NCEH1: variants seen among roughly 807,000 people sequenced by gnomAD.
NCEH1 encodes neutral cholesterol ester hydrolase 1.
In NCEH1, 9 loss-of-function variants were observed where a neutral mutation model predicts 25.4. The observed-to-expected ratio is 0.35, with a 90% CI of 0.21 to 0.62. The LOEUF (loss-of-function observed/expected upper bound fraction) is 0.62, where lower values mean the gene tolerates loss of function less well. Among genes scored for constraint, NCEH1 ranks in the 20% least tolerant of loss-of-function variants. The pLI, the probability that NCEH1 is intolerant of heterozygous loss-of-function variation, is 0.72. For synonymous variants in NCEH1, 200 were observed against 199.8 expected, an observed-to-expected ratio of 1.00 and a Z score of -0.01; for missense variants, 412 against 501.1, an observed-to-expected ratio of 0.82 and a Z score of 1.70.
chr3:172,653,723 T>C (rs926830901), intron 1 of NCEH1, among the ~76,000 whole-genome samples: 1 of 145,990 alleles, frequency 6.8e-6, no homozygotes, highest in Non-Finnish European at 1.5e-5. Context: ...TTTTTGTTGT[T>C]GTTGTTGTTC....
At chr3:172,634,508 C>T (rs1047215705) in intron 4 of NCEH1, among the ~76,000 whole-genome samples, 2 of 152,162 alleles carry the variant, frequency 1.3e-5, no homozygotes, top group African/African-American at 2.4e-5. Flanking sequence ...GCAGAAAAAA[C>T]TTAATAAGCA....
chr3:172,641,680 A>G (rs1716860010), intron 3 of NCEH1, among the ~76,000 whole-genome samples: 1 of 152,150 alleles, frequency 6.6e-6, no homozygotes, highest in Non-Finnish European at 1.5e-5. Flanking sequence ...AATCATCCAC[A>G]CTTACTTCTG....
chr3:172,668,348 A>ATTTTTTTTTTTTT (rs1200625132), intron 1 of NCEH1, among the ~76,000 whole-genome samples: 2 of 78,976 alleles, frequency 2.5e-5, no homozygotes, highest in African/African-American at 5.2e-5. Flanking sequence ...AAAAGGAAGC[A>ATTTTTTTTTTTTT]TTTTTTTTTT....
intron 1 of NCEH1, among the ~76,000 whole-genome samples, chr3:172,656,653 C>G (rs1404971615): frequency 6.6e-6 from 1 of 152,110 alleles, no homozygotes; most frequent in Non-Finnish European, 1.5e-5. Context: ...GTAATCCCAG[C>G]TACTCGGGAG....
chr3:172,675,906 T>C (rs183380743), intron 1 of NCEH1, among the ~76,000 whole-genome samples: 3 of 152,330 alleles, frequency 2.0e-5, no homozygotes, highest in East Asian at 1.9e-4. Flanking sequence ...TCTAACACTA[T>C]ATTTTAAACC....
At chr3:172,669,615 C>G (rs1210406682) in intron 1 of NCEH1, among the ~76,000 whole-genome samples, 3 of 152,212 alleles carry the variant, frequency 2.0e-5, no homozygotes, top group African/African-American at 7.2e-5. Flanking sequence ...CGGCTCACTG[C>G]AACCTCCGCC....
intron 1 of NCEH1, among the ~76,000 whole-genome samples, chr3:172,660,081 C>T (rs1306203147): frequency 2.0e-5 from 3 of 151,858 alleles, no homozygotes; most frequent in African/African-American, 7.3e-5. Flanking sequence ...GTGCTGCACC[C>T]ATTAACTCGA....
chr3:172,635,992 T>C lies in NCEH1; in HGVS notation c.533A>G (p.Tyr178Cys), dbSNP rs1405776459. ...YFLKPEVLQK[Y>C]MVDPGRICIS... ...GCAAATTCTGCCTGGATCAACCATA[T>C]ACTTCTGTAAGACTTCTGGCTTCAG... Residue 178 changes from tyrosine to cysteine, a missense_variant, in exon 4 of 5, where the codon TAT becomes TGT. Coordinates refer to ENST00000475381, the MANE Select transcript of NCEH1 (RefSeq NM_020792.6). 1.2e-6 allele frequency: 2 copies of C among 1,614,180 alleles called. No individual in the cohort carries two copies. The highest frequency in any genetic ancestry group is 1.7e-6 in the Non-Finnish European group (2 of 1,180,014).
chr3:172,677,578 T>C (rs1375386170), intron 1 of NCEH1, among the ~76,000 whole-genome samples: 3 of 151,730 alleles, frequency 2.0e-5, no homozygotes, highest in African/African-American at 7.3e-5. Context: ...CATTTGGGGC[T>C]TAGAGAAGTT....
At position 172,710,895 on chromosome 3, in the gene NCEH1, G is replaced by T. The variant is rs1560214947; in HGVS notation, c.90C>A (p.Pro30=). ...YIPLPGSVSD[P]WKLMLLDATF... ...TGGCGTCCAGCAGCATCAGCTTCCA[G>T]GGGTCGGACACGGAGCCAGGCAGCG... Residue 30 remains proline (P), a synonymous_variant, in exon 1 of 5, where the codon CCC becomes CCA. Coordinates refer to ENST00000475381, the MANE Select transcript of NCEH1 (RefSeq NM_020792.6). 1.2e-6 allele frequency: 2 copies of T among 1,614,066 alleles called. No individual in the cohort carries two copies. The highest frequency in any genetic ancestry group is 2.7e-5 in the African/African-American group (2 of 74,958).
intron 3 of NCEH1, among the ~76,000 whole-genome samples, chr3:172,639,687 G>C (rs1004623588): frequency 6.6e-6 from 1 of 152,170 alleles, no homozygotes; most frequent in Non-Finnish European, 1.5e-5. Flanking sequence ...ACTCACTTCA[G>C]GGAGAGGATG....
At chr3:172,703,395 G>A (rs581777) in intron 1 of NCEH1, among the ~76,000 whole-genome samples, 25,046 of 151,704 alleles carry the variant, frequency 0.17, 2,470 homozygotes, top group Non-Finnish European at 0.23. Flanking sequence ...GGGCATCATG[G>A]CGGGGGCCTG....
intron 4 of NCEH1, among the ~76,000 whole-genome samples, chr3:172,635,269 G>A (rs531965368): frequency 6.6e-6 from 1 of 152,182 alleles, no homozygotes; most frequent in African/African-American, 2.4e-5. Context: ...AATGACAGAT[G>A]GTATTTGAGG....
At chr3:172,636,920 A>AT (rs571651461) in intron 3 of NCEH1, among the ~76,000 whole-genome samples, 7 of 152,160 alleles carry the variant, frequency 4.6e-5, no homozygotes, top group Non-Finnish European at 8.8e-5. Context: ...TCTTTTGCTT[A>AT]TTAATTCTCA....
At chr3:172,707,747 A>G (rs983273973) in intron 1 of NCEH1, among the ~76,000 whole-genome samples, 13 of 152,004 alleles carry the variant, frequency 8.6e-5, no homozygotes, top group Non-Finnish European at 1.8e-4. Flanking sequence ...CACCACGCCC[A>G]GCTAATTTTT....
At chr3:172,701,706 C>T (rs900403927) in intron 1 of NCEH1, among the ~76,000 whole-genome samples, 1 of 150,410 alleles carries the variant, frequency 6.6e-6, no homozygotes, top group Non-Finnish European at 1.5e-5. Flanking sequence ...CCTTGTGATC[C>T]GCCTGCCTCA....
At chr3:172,665,932 T>C (rs977956563) in intron 1 of NCEH1, among the ~76,000 whole-genome samples, 1 of 152,212 alleles carries the variant, frequency 6.6e-6, no homozygotes, top group Non-Finnish European at 1.5e-5. Flanking sequence ...CGACCCCTTG[T>C]GCTTCCCGGG....
intron 3 of NCEH1, 140 bp from the exon 4 acceptor site, chr3:172,636,227 AATAAT>A: frequency 8.0e-6 from 4 of 499,994 alleles, no homozygotes; most frequent in Non-Finnish European, 1.4e-5. Context: ...AAAAAGAAAA[AATAAT>A]AAAATATAAA....
chr3:172,675,443 C>CA (rs200662590), intron 1 of NCEH1, among the ~76,000 whole-genome samples: 17,374 of 132,996 alleles, frequency 0.13, 1,122 homozygotes, highest in East Asian at 0.21. Flanking sequence ...AAAAATTTTA[C>CA]AAAAAAAAAA....
Sources: gnomAD v4.1 joint callset for allele counts (sites outside exome capture counted in the v4.1 genomes callset) on GRCh38, gnomAD v4.1.1 for gene constraint, MANE v1.5 for transcripts, NCBI Gene and HGNC (gene_info 2026-07-23, HGNC 2026-07-21) for gene names.